The following RGL1 variants were observed in gnomAD, a reference collection of about 807,000 sequenced individuals.
RGL1 encodes ral guanine nucleotide dissociation stimulator-like 1.
RGL1 carries 24 observed loss-of-function variants against 95.2 expected under a neutral mutation model. The ratio of observed to expected loss-of-function variants is 0.25; its 90% CI spans 0.18 to 0.35. RGL1 has a LOEUF of 0.35. Among genes scored for constraint, RGL1 ranks in the 10% least tolerant of loss-of-function variants. The probability of loss-of-function intolerance (pLI) is 1.00; values close to 1 mark genes in which losing one functional copy is unlikely to be tolerated. For synonymous variants in RGL1, 329 were observed against 344.9 expected, an observed-to-expected ratio of 0.95 and a Z score of 0.51; for missense variants, 715 against 936.3, an observed-to-expected ratio of 0.76 and a Z score of 3.08.
intron 1 of RGL1, among the ~76,000 whole-genome samples, chr1:183,656,263 T>A (rs1344770205): frequency 6.6e-6 from 1 of 152,178 alleles, no homozygotes; most frequent in Non-Finnish European, 1.5e-5. Flanking sequence ...ACCAAATAAG[T>A]ACATTTATGA....
At chr1:183,862,146 G>C (rs755587555) in intron 3 of RGL1, among the ~76,000 whole-genome samples, 1 of 152,006 alleles carries the variant, frequency 6.6e-6, no homozygotes, top group Non-Finnish European at 1.5e-5. Flanking sequence ...GTTCGAGACC[G>C]GCCTGGGCAA....
chr1:183,810,197 G>A (rs1661614108), intron 2 of RGL1, among the ~76,000 whole-genome samples: 1 of 152,206 alleles, frequency 6.6e-6, no homozygotes, highest in Non-Finnish European at 1.5e-5. Flanking sequence ...GGGCTTTGGT[G>A]TCAGAAGTTC....
At chr1:183,907,921 CA>C in intron 14 of RGL1, among the ~76,000 whole-genome samples, 1 of 152,000 alleles carries the variant, frequency 6.6e-6, no homozygotes, top group East Asian at 1.9e-4. Flanking sequence ...TGCCTGAGCC[CA>C]GGAGTTCAGT....
chr1:183,648,611 C>T, intron 1 of RGL1: 1 of 1,614,162 alleles, frequency 6.2e-7, no homozygotes, highest in Non-Finnish European at 8.5e-7. Flanking sequence ...GAAATGTTGT[C>T]CCATAAGGGA....
intron 1 of RGL1, among the ~76,000 whole-genome samples, chr1:183,642,994 C>G (rs2101978126): frequency 6.6e-6 from 1 of 152,262 alleles, no homozygotes; most frequent in East Asian, 1.9e-4. Context: ...TTTCTACTTA[C>G]CACATGTAAG....
intron 1 of RGL1, among the ~76,000 whole-genome samples, chr1:183,690,561 T>C (rs916853981): frequency 2.6e-5 from 4 of 152,198 alleles, no homozygotes; most frequent in Non-Finnish European, 4.4e-5. Flanking sequence ...TTTAGCTGAT[T>C]GTCAAAAGAG....
At chr1:183,908,765 A>G (rs1013545619) in intron 14 of RGL1, among the ~76,000 whole-genome samples, 2 of 152,258 alleles carry the variant, frequency 1.3e-5, no homozygotes, top group Middle Eastern at 3.4e-3. Context: ...TGGACCCACT[A>G]TGGCAGTCAG....
intron 2 of RGL1, among the ~76,000 whole-genome samples, chr1:183,840,059 A>T (rs983050639): frequency 8.5e-5 from 13 of 152,192 alleles, no homozygotes; most frequent in African/African-American, 3.1e-4. Context: ...GTATGATCTA[A>T]TGGTAATAGA....
chr1:183,666,115 C>T (rs1214365166), intron 1 of RGL1, among the ~76,000 whole-genome samples: 8 of 150,780 alleles, frequency 5.3e-5, no homozygotes, highest in Admixed American at 3.3e-4. Flanking sequence ...AAGTGATTCT[C>T]CTGCCTCAGC....
At chr1:183,764,838 T>C (rs1658883116) in intron 2 of RGL1, among the ~76,000 whole-genome samples, 1 of 152,202 alleles carries the variant, frequency 6.6e-6, no homozygotes, top group African/African-American at 2.4e-5. Context: ...ATAGCAGGAC[T>C]AACCTACCTG....
chr1:183,788,457 T>C (rs1660285606), intron 2 of RGL1, among the ~76,000 whole-genome samples: 2 of 152,216 alleles, frequency 1.3e-5, no homozygotes, highest in Admixed American at 1.3e-4. Flanking sequence ...ATTTACTGAT[T>C]CAAATGCTGA....
intron 2 of RGL1, among the ~76,000 whole-genome samples, chr1:183,794,327 C>T (rs1009772633): frequency 6.6e-6 from 1 of 152,044 alleles, no homozygotes; most frequent in African/African-American, 2.4e-5. Flanking sequence ...TTAATAGGTG[C>T]AAAGGTACAG....
intron 1 of RGL1, among the ~76,000 whole-genome samples, chr1:183,701,089 TC>T (rs1654572442): frequency 6.6e-6 from 1 of 152,168 alleles, no homozygotes; most frequent in South Asian, 2.1e-4. Context: ...ATGAATTCAT[TC>T]TTTTTTATGG....
chr1:183,831,848 A>G (rs950311713), intron 2 of RGL1, among the ~76,000 whole-genome samples: 3 of 152,218 alleles, frequency 2.0e-5, no homozygotes, highest in African/African-American at 7.2e-5. Flanking sequence ...CGGGATACCT[A>G]TAATTAAATA....
chr1:183,919,003 A>G (rs947344275), intron 16 of RGL1, among the ~76,000 whole-genome samples: 3 of 152,226 alleles, frequency 2.0e-5, no homozygotes, highest in Non-Finnish European at 2.9e-5. Context: ...TTTTGTTCTC[A>G]GGACCCCTTT....
chr1:183,853,689 T>C (rs1254693829), intron 3 of RGL1, among the ~76,000 whole-genome samples: 1 of 152,188 alleles, frequency 6.6e-6, no homozygotes, highest in Admixed American at 6.5e-5. Context: ...TACCCCTATG[T>C]TTACAGATTA....
At chr1:183,874,275 C>T (rs761503699) in intron 4 of RGL1, among the ~76,000 whole-genome samples, 15 of 152,080 alleles carry the variant, frequency 9.9e-5, no homozygotes, top group African/African-American at 9.7e-5. Context: ...GGGATTTAAC[C>T]GAGGCCTTAA....
chr1:183,700,585 A>C (rs12138213), intron 1 of RGL1, among the ~76,000 whole-genome samples: 1 of 148,572 alleles, frequency 6.7e-6, no homozygotes, highest in Non-Finnish European at 1.5e-5. Flanking sequence ...TCACTCTGTC[A>C]CCCATGCTGG....
Position 183,847,621 on chromosome 1 carries a change from A to G in RGL1, c.194A>G (p.Lys65Arg), listed in dbSNP as rs776078794. The stretch of plus-strand genomic sequence containing the variant: ...ACAGTCAGTCAATATGAAACCTGTA[A>G]GATCAGGACCATAAAAGCTGGCACC... ...GHTVSQYETCKIRTIKAGTLE... is the reference protein window; with the variant it reads ...GHTVSQYETCRIRTIKAGTLE... Residue 65 changes from lysine (K) to arginine (R), a missense_variant, in exon 3 of 18, where the codon AAG (lysine) becomes AGG (arginine). Transcript: ENST00000360851. 6.2e-7 allele frequency: 1 copy of G among 1,614,164 alleles called. No individual in the cohort carries two copies. Among genetic ancestry groups the G allele is most frequent in the Admixed American group, 1.7e-5 (1 of 60,024 alleles).
Sources: allele counts gnomAD v4.1 joint callset (sites outside exome capture counted in the v4.1 genomes callset), GRCh38; gene constraint gnomAD v4.1.1; transcripts MANE v1.5; gene names NCBI Gene and HGNC (gene_info 2026-07-23, HGNC 2026-07-21).